METTL8: variants seen among roughly 807,000 people sequenced by gnomAD.
The protein encoded by METTL8 is tRNA N(3)-cytidine methyltransferase METTL8, mitochondrial.
In METTL8, 32 loss-of-function variants were observed where a neutral mutation model predicts 48.7. The ratio of observed to expected loss-of-function variants is 0.66; its 90% CI spans 0.50 to 0.88. METTL8 has a LOEUF of 0.88. Ranked by LOEUF, METTL8 falls within the 40% of genes least tolerant of loss-of-function variation. METTL8 has a pLI of 0.00. For missense variants in METTL8, 464 were observed against 474.4 expected, an observed-to-expected ratio of 0.98 and a Z score of 0.20; for synonymous variants, 136 against 157.1, an observed-to-expected ratio of 0.87 and a Z score of 1.01.
chr2:171,426,724 C>G (rs1396858957), intron 1 of METTL8, among the ~76,000 whole-genome samples: 2 of 152,144 alleles, frequency 1.3e-5, no homozygotes, highest in Middle Eastern at 3.2e-3. Flanking sequence ...ACATAAGAAC[C>G]AAACTTGTGG....
intron 3 of METTL8, among the ~76,000 whole-genome samples, chr2:171,352,306 G>T (rs1416738670): frequency 6.6e-6 from 1 of 152,220 alleles, no homozygotes; most frequent in African/African-American, 2.4e-5. Context: ...TCCCAGGGAT[G>T]AAGCCCATTT....
chr2:171,352,534 G>A (rs1345441004), intron 3 of METTL8, among the ~76,000 whole-genome samples: 1 of 152,176 alleles, frequency 6.6e-6, no homozygotes, highest in Non-Finnish European at 1.5e-5. Context: ...AATAGTTTCA[G>A]AAGGAATGGT....
At chr2:171,362,979 C>A (rs1382721243) in intron 2 of METTL8, among the ~76,000 whole-genome samples, 1 of 152,068 alleles carries the variant, frequency 6.6e-6, no homozygotes, top group Non-Finnish European at 1.5e-5. Flanking sequence ...AAATTTCTAC[C>A]ACTTATAGGA....
chr2:171,372,266 A>AT (rs1187497382), intron 2 of METTL8, among the ~76,000 whole-genome samples: 1 of 152,168 alleles, frequency 6.6e-6, no homozygotes, highest in Non-Finnish European at 1.5e-5. Context: ...AAGATGGGAA[A>AT]TAGGTACATA....
chr2:171,369,605 G>C (rs1686090667), intron 2 of METTL8, among the ~76,000 whole-genome samples: 1 of 152,126 alleles, frequency 6.6e-6, no homozygotes, highest in South Asian at 2.1e-4. Flanking sequence ...AATATCAATA[G>C]ACATAATCCA....
chr2:171,386,911 A>T (rs1469846186), intron 2 of METTL8, among the ~76,000 whole-genome samples: 1 of 152,128 alleles, frequency 6.6e-6, no homozygotes, highest in African/African-American at 2.4e-5. Flanking sequence ...CCAGCACACC[A>T]GCAGGCCACC....
At chr2:171,397,572 A>G (rs1689228378) in intron 1 of METTL8, among the ~76,000 whole-genome samples, 1 of 149,982 alleles carries the variant, frequency 6.7e-6, no homozygotes. Flanking sequence ...AAAAAAAAAA[A>G]AAAGAGAGAG....
chr2:171,402,980 T>A, intron 1 of METTL8, among the ~76,000 whole-genome samples: 1 of 152,248 alleles, frequency 6.6e-6, no homozygotes, highest in South Asian at 2.1e-4. Context: ...ACCCAAAGTA[T>A]AAAATAAATA....
chr2:171,364,277 T>A lies in METTL8; in HGVS notation c.144-3764A>T, dbSNP rs1292279225. 3.3e-5 allele frequency among the ~76,000 whole-genome samples: 5 copies of A among 152,252 alleles called. No homozygotes were observed. In the South Asian group the frequency reaches 1.0e-3, roughly 32 times the overall value. On this transcript the variant is annotated intron_variant, in intron 2 of 9. Coordinates refer to ENST00000375258, the MANE Select transcript of METTL8 (RefSeq NM_001321154.2). ...GCAGCTTCAACTAGAGATAATTTTTTAAAAACTATATGTAAAACCTGTACT... is the reference window on the plus strand; with the variant it reads ...GCAGCTTCAACTAGAGATAATTTTTAAAAAACTATATGTAAAACCTGTACT...
intron 1 of METTL8, among the ~76,000 whole-genome samples, chr2:171,423,003 G>A (rs1189538567): frequency 2.0e-5 from 3 of 152,172 alleles, no homozygotes; most frequent in Non-Finnish European, 4.4e-5. Context: ...GACACAGTGG[G>A]AGGTAATTGA....
In METTL8 at chr2:171,331,816, C is replaced by T. The variant is rs994009398; in HGVS notation, c.708G>A (p.Val236=). ...LYCCDFASGA[V]ELVKSHSSYR... ...AGGAGTAGCATACCTTTACGAGCTC[C>T]ACAGCTCCAGAAGCAAAATCACAAC... The change falls in exon 6 of 10, where the codon GTG becomes GTA. Residue 236 remains valine, a synonymous_variant. Transcript: ENST00000375258. 1.2e-6 allele frequency: 2 copies of T among 1,604,432 alleles called. No individual in the cohort carries two copies. The highest frequency in any genetic ancestry group is 8.5e-7 in the Non-Finnish European group (1 of 1,175,174).
At chr2:171,387,232 G>A (rs954367574) in intron 2 of METTL8, among the ~76,000 whole-genome samples, 1 of 152,124 alleles carries the variant, frequency 6.6e-6, no homozygotes, top group African/African-American at 2.4e-5. Flanking sequence ...GGGACTTCAG[G>A]AGCTGTAAAC....
At chr2:171,375,087 A>T in intron 2 of METTL8, 1 of 1,181,262 alleles carries the variant, frequency 8.5e-7, no homozygotes, top group South Asian at 1.2e-5. Flanking sequence ...ACAGCTTGGG[A>T]AGCACATAGG....
intron 4 of METTL8, 54 bp downstream of exon 4, chr2:171,339,130 T>G: frequency 1.4e-5 from 20 of 1,385,522 alleles, no homozygotes; most frequent in Non-Finnish European, 1.9e-5. Context: ...TAATACAGAA[T>G]GTACATTTTC....
chr2:171,391,561 CT>C (rs1410914793), intron 2 of METTL8, among the ~76,000 whole-genome samples: 1 of 152,162 alleles, frequency 6.6e-6, no homozygotes, highest in Non-Finnish European at 1.5e-5. Context: ...TAATTATCAG[CT>C]TTTTCTGTAA....
In METTL8 at chr2:171,425,210, A is replaced by G. The variant is rs552529961; in HGVS notation, c.-13+8673T>C. The stretch of plus-strand genomic sequence containing the variant: ...TTCCCTTTATAAATTACCCAGTCTC[A>G]GGTATGTCTTTATTAGCAGTGTGAG... On this transcript the variant is annotated intron_variant, in intron 1 of 9. Coordinates refer to ENST00000375258, the MANE Select transcript of METTL8 (RefSeq NM_001321154.2). Among the ~76,000 whole-genome samples, 33 of 152,322 alleles carry G rather than the reference A, an allele frequency of 2.2e-4. No homozygotes were observed. The South Asian group carries it at 2.9e-3, about 13-fold the overall frequency.
At chr2:171,350,495 G>A (rs553522477) in intron 3 of METTL8, among the ~76,000 whole-genome samples, 2 of 152,284 alleles carry the variant, frequency 1.3e-5, no homozygotes, top group African/African-American at 2.4e-5. Context: ...GGATGACTGG[G>A]TCAAATGATA....
rs549253228 is a variant in METTL8, at chr2:171,321,575, G to T, written c.*2597C>A. 6.6e-6 allele frequency: 1 copy of T among 152,222 alleles called. No homozygotes were observed. The highest frequency in any genetic ancestry group is 1.9e-4 in the East Asian group (1 of 5,188). 9.4% of individuals were successfully genotyped at this position (152,222 alleles called of 1,614,324 possible). A position where few individuals can be genotyped will look rare whatever the true frequency, so the allele number is the denominator to read the frequency against. Reference sequence around the variant, plus strand: ...AGAAATTGGATTTTAAGTGAATTCAGAAAGAAAAAACAGTTGGAACTTAAT... The same window carrying T: ...AGAAATTGGATTTTAAGTGAATTCATAAAGAAAAAACAGTTGGAACTTAAT... On this transcript the variant is annotated 3_prime_UTR_variant, in exon 10 of 10. Transcript: ENST00000375258.
chr2:171,400,968 T>C (rs1689583151), intron 1 of METTL8, among the ~76,000 whole-genome samples: 1 of 152,160 alleles, frequency 6.6e-6, no homozygotes, highest in Non-Finnish European at 1.5e-5. Flanking sequence ...GAGGAATTGC[T>C]ATTAACCATA....
Sources: allele counts gnomAD v4.1 joint callset (sites outside exome capture counted in the v4.1 genomes callset), GRCh38; gene constraint gnomAD v4.1.1; transcripts MANE v1.5; gene names NCBI Gene and HGNC (gene_info 2026-07-23, HGNC 2026-07-21).